Variants in IGF1 observed in about 807,000 individuals in gnomAD.
The protein encoded by IGF1 is insulin-like growth factor 1.
A neutral mutation model predicts 13.8 loss-of-function variants in IGF1; 4 were observed. The ratio of observed to expected loss-of-function variants is 0.29; its 90% CI spans 0.14 to 0.66. IGF1 has a LOEUF of 0.66. Among genes scored for constraint, IGF1 ranks in the 30% least tolerant of loss-of-function variants. The pLI is 0.78. For synonymous variants in IGF1, 76 were observed against 72.6 expected (o/e 1.05, Z -0.23); for missense variants, 124 against 188.5 (o/e 0.66, Z 2.00).
At position 102,398,100 on chromosome 12, in the gene IGF1, A is replaced by T. The variant is rs964220182; in HGVS notation, c.*4407T>A. ...ACTGTATAAAGTAAAAAAAAAAAAA[A>T]AACAAAAACAAGAAACAAAAAATCT... On this transcript the variant is annotated 3_prime_UTR_variant, in exon 4 of 4. Coordinates refer to ENST00000337514, the MANE Select transcript of IGF1 (RefSeq NM_000618.5). 8 of 151,958 alleles carry T rather than the reference A, an allele frequency of 5.3e-5. No individual in the cohort carries two copies. The highest frequency in any genetic ancestry group is 8.8e-5 in the Non-Finnish European group (6 of 67,844). The allele number at this position is 151,958 out of a possible 1,614,324, so 9.4% of individuals were successfully genotyped here.
Position 102,397,132 on chromosome 12 carries a change from G to A in IGF1, c.*5375C>T. The A allele has an allele frequency of 3.4e-6, 1 of 292,076 alleles. No homozygotes were observed. The highest frequency in any genetic ancestry group is 6.3e-6 in the Non-Finnish European group (1 of 159,846). The allele number at this position is 292,076 out of a possible 1,614,324, so 18.1% of individuals were successfully genotyped here. ...CAGGAGAATCGCTTAAACCCAGGAG[G>A]TGGAGGTTGCAGTGAGCCGAGATCA... On this transcript the variant is annotated 3_prime_UTR_variant, in exon 4 of 4. Coordinates refer to ENST00000337514, the MANE Select transcript of IGF1 (RefSeq NM_000618.5).
intron 2 of IGF1, among the ~76,000 whole-genome samples, chr12:102,459,836 G>C (rs548454021): frequency 2.6e-5 from 4 of 152,154 alleles, no homozygotes; most frequent in Non-Finnish European, 4.4e-5. Flanking sequence ...TAAAGATGAG[G>C]TTTGTGTCTT....
At position 102,419,681 on chromosome 12, in the gene IGF1, G is replaced by C. The variant is rs778990836; in HGVS notation, c.230C>G (p.Thr77Arg). 2.5e-6 allele frequency: 4 copies of C among 1,612,226 alleles called. No individual in the cohort carries two copies. The highest frequency in any genetic ancestry group is 3.4e-6 in the Non-Finnish European group (4 of 1,180,010). Residue 77 changes from threonine to arginine, a missense_variant, in exon 3 of 4, where the codon ACA becomes AGA. Physicochemically the swap from Thr to Arg is moderately conservative, Grantham distance 71 (BLOSUM62 -1). Coordinates refer to ENST00000337514, the MANE Select transcript of IGF1 (RefSeq NM_000618.5). ...CCTCCGACTGCTGGAGCCATACCCT[G>C]TGGGCTTGTCTGCACAAATCAAACA... ...GDRGFYFNKPTGYGSSSRRAP... is the reference protein window; with the variant it reads ...GDRGFYFNKPRGYGSSSRRAP...
intron 1 of IGF1, among the ~76,000 whole-genome samples, chr12:102,479,199 A>C (rs1282859908): frequency 3.9e-5 from 6 of 152,226 alleles, no homozygotes; most frequent in Admixed American, 2.6e-4. Context: ...ATGTGTTGGC[A>C]TCTCAGGAAC....
intron 2 of IGF1, among the ~76,000 whole-genome samples, chr12:102,474,452 A>T (rs1398176200): frequency 6.6e-6 from 1 of 152,186 alleles, no homozygotes; most frequent in African/African-American, 2.4e-5. Context: ...CAATACCCTC[A>T]CAAGCCTCTT....
chr12:102,450,458 G>A (rs10735380), intron 2 of IGF1, among the ~76,000 whole-genome samples: 115,886 of 152,178 alleles, frequency 0.76, 44,285 homozygotes, highest in Admixed American at 0.83. Context: ...ATCGTACACT[G>A]CTCCACTTGG....
intron 2 of IGF1, among the ~76,000 whole-genome samples, chr12:102,452,312 A>G (rs1026152835): frequency 6.3e-5 from 9 of 142,974 alleles, no homozygotes; most frequent in Admixed American, 2.9e-4. Flanking sequence ...TTCTTCTGCC[A>G]TGATAAGTTT....
At position 102,478,136 on chromosome 12, in the gene IGF1, T is replaced by A. The variant is rs145718373; in HGVS notation, c.63+2183A>T. Among the ~76,000 whole-genome samples the A allele has an allele frequency of 6.8e-3, 1,030 of 151,946 alleles. 1 individual carries two copies. Among genetic ancestry groups the A allele is most frequent in the Non-Finnish European group, 0.011 (735 of 67,966 alleles). On this transcript the variant is annotated intron_variant, in intron 1 of 3. Transcript: ENST00000337514. ...ACCCACAGAGAACCAGAGAATTTTATGTTCCCACAAATGAAAACAATACCG... is the reference window on the plus strand; with the variant it reads ...ACCCACAGAGAACCAGAGAATTTTAAGTTCCCACAAATGAAAACAATACCG...
intron 2 of IGF1, among the ~76,000 whole-genome samples, chr12:102,424,047 T>G (rs1875982378): frequency 6.6e-6 from 1 of 152,188 alleles, no homozygotes; most frequent in Non-Finnish European, 1.5e-5. Context: ...TTATTTTAAC[T>G]ATTTCAACTC....
At chr12:102,407,290 C>G (rs569939414) in intron 3 of IGF1, among the ~76,000 whole-genome samples, 2 of 152,048 alleles carry the variant, frequency 1.3e-5, no homozygotes, top group African/African-American at 4.8e-5. Context: ...AGCTGAAGCT[C>G]GCTAACATTT....
At chr12:102,469,423 G>T (rs569713779) in intron 2 of IGF1, among the ~76,000 whole-genome samples, 9 of 152,306 alleles carry the variant, frequency 5.9e-5, no homozygotes, top group East Asian at 5.8e-4. Flanking sequence ...ATATCCTGGT[G>T]TATACAGGTG....
intron 2 of IGF1, among the ~76,000 whole-genome samples, chr12:102,466,387 T>G (rs1403984626): frequency 6.6e-6 from 1 of 152,156 alleles, no homozygotes; most frequent in African/African-American, 2.4e-5. Context: ...CATTTGGCAA[T>G]GTCTGCAAAC....
intron 2 of IGF1, among the ~76,000 whole-genome samples, chr12:102,462,047 G>A (rs749355486): frequency 2.0e-5 from 3 of 152,204 alleles, no homozygotes; most frequent in Middle Eastern, 3.4e-3. Context: ...ATTGGTTTGG[G>A]GTCAGGGCCC....
intron 1 of IGF1, chr12:102,478,642 G>T (rs1881220071): frequency 6.9e-7 from 1 of 1,445,840 alleles, no homozygotes. Flanking sequence ...GGACACCCAG[G>T]CAGGTATGCT....
chr12:102,443,179 A>G (rs1257097743), intron 2 of IGF1, among the ~76,000 whole-genome samples: 1 of 152,148 alleles, frequency 6.6e-6, no homozygotes, highest in Non-Finnish European at 1.5e-5. Context: ...CTGCAGTAAT[A>G]GAAACCCTAA....
chr12:102,440,584 C>T (rs758190185), intron 2 of IGF1, among the ~76,000 whole-genome samples: 19 of 152,120 alleles, frequency 1.2e-4, no homozygotes, highest in Admixed American at 2.0e-4. Context: ...CCTGTGTTTC[C>T]GCTGCAGTTA....
chr12:102,415,239 T>C (rs1470749471), intron 3 of IGF1, among the ~76,000 whole-genome samples: 1 of 142,092 alleles, frequency 7.0e-6, no homozygotes, highest in Non-Finnish European at 1.5e-5. Flanking sequence ...TACTCATTTG[T>C]CCATCCAACC....
rs1448002736 is a variant in IGF1 at position 102,465,674 on chromosome 12, C to T, written c.220+9969G>A. On this transcript the variant is annotated intron_variant, in intron 2 of 3. Coordinates refer to ENST00000337514, the MANE Select transcript of IGF1 (RefSeq NM_000618.5). ...ACAACTGGCTGGGTGCGGTGGCTCA[C>T]GCCTGTAATCCCAGCACTTTGTGAG... 8.5e-5 allele frequency among the ~76,000 whole-genome samples: 13 copies of T among 152,306 alleles called. No homozygotes were observed. The South Asian group carries it at 1.5e-3, about 17-fold the overall frequency.
At chr12:102,434,761 C>A (rs563365457) in intron 2 of IGF1, among the ~76,000 whole-genome samples, 2,021 of 151,542 alleles carry the variant, frequency 0.013, 61 homozygotes, top group African/African-American at 0.046. Flanking sequence ...ACAGTCCCAC[C>A]AACAGTGTAA....
Sources: gnomAD v4.1 joint callset for allele counts (sites outside exome capture counted in the v4.1 genomes callset) on GRCh38, gnomAD v4.1.1 for gene constraint, MANE v1.5 for transcripts, NCBI Gene and HGNC (gene_info 2026-07-23, HGNC 2026-07-21) for gene names.